STXBP5L: variants seen among roughly 807,000 people sequenced by gnomAD.
STXBP5L encodes syntaxin binding protein 5L, also known as syntaxin-binding protein 5-like.
A neutral mutation model predicts 144.5 loss-of-function variants in STXBP5L; 65 were observed. The ratio of observed to expected loss-of-function variants is 0.45; its 90% confidence interval spans 0.37 to 0.55. STXBP5L has a LOEUF of 0.55. Ranked by LOEUF, STXBP5L falls within the 20% of genes least tolerant of loss-of-function variation. The pLI, the probability that STXBP5L is intolerant of heterozygous loss-of-function variation, is 0.00. For synonymous variants in STXBP5L, 505 were observed against 469.6 expected (o/e 1.08, Z -0.97); for missense variants, 1,298 against 1,405.5 (o/e 0.92, Z 1.22).
At chr3:121,070,934 C>A (rs961687901) in intron 5 of STXBP5L, among the ~76,000 whole-genome samples, 1 of 152,182 alleles carries the variant, frequency 6.6e-6, no homozygotes, top group Non-Finnish European at 1.5e-5. Context: ...GGCAAGAACT[C>A]TGGGTCATAA....
intron 9 of STXBP5L, among the ~76,000 whole-genome samples, chr3:121,168,456 G>T (rs771133905): frequency 1.3e-5 from 2 of 152,148 alleles, no homozygotes; most frequent in Non-Finnish European, 2.9e-5. Flanking sequence ...AAGGTTAGAA[G>T]AATTGCTTAC....
chr3:121,200,124 G>T (rs906121984), intron 9 of STXBP5L, among the ~76,000 whole-genome samples: 1 of 151,942 alleles, frequency 6.6e-6, no homozygotes, highest in Non-Finnish European at 1.5e-5. Context: ...GGACTTTTTT[G>T]GTTGGTAGGC....
At position 120,928,066 on chromosome 3, in the gene STXBP5L, A is replaced by T. The variant is rs527480103; in HGVS notation, c.189+18299A>T. 1.6e-4 allele frequency among the ~76,000 whole-genome samples: 25 copies of T among 152,288 alleles called. 1 individual carries two copies. In the South Asian group the frequency reaches 2.3e-3, roughly 14 times the overall value. Reference sequence around the variant, plus strand: ...CAAAATAAGAAAGATCAGGGAGGGAAGTATGTGAGGTAAAATTTACACATA... The same window carrying T: ...CAAAATAAGAAAGATCAGGGAGGGATGTATGTGAGGTAAAATTTACACATA... On this transcript the variant is annotated intron_variant, in intron 2 of 26. Coordinates refer to ENST00000471454, the MANE Select transcript of STXBP5L (RefSeq NM_001308330.2).
intron 3 of STXBP5L, among the ~76,000 whole-genome samples, chr3:120,973,566 T>C (rs1196851521): frequency 6.6e-6 from 1 of 151,900 alleles, no homozygotes; most frequent in Non-Finnish European, 1.5e-5. Context: ...TATTATACTT[T>C]AGTTTTAGGG....
At chr3:120,982,508 G>A (rs955539166) in intron 3 of STXBP5L, among the ~76,000 whole-genome samples, 5 of 152,144 alleles carry the variant, frequency 3.3e-5, no homozygotes, top group Non-Finnish European at 7.4e-5. Flanking sequence ...CTGTCCCAGG[G>A]CTCATGACTC....
chr3:121,321,492 C>G (rs2043968906), intron 20 of STXBP5L, among the ~76,000 whole-genome samples: 1 of 152,090 alleles, frequency 6.6e-6, no homozygotes, highest in South Asian at 2.1e-4. Context: ...ATACAATAGC[C>G]ACACATACAC....
In STXBP5L at chr3:121,362,416, T is replaced by C. The variant is rs557366390; in HGVS notation, c.2177-16300T>C. 5.3e-5 allele frequency among the ~76,000 whole-genome samples: 8 copies of C among 152,302 alleles called. No homozygotes were observed. The East Asian group carries it at 1.2e-3, about 22-fold the overall frequency. On this transcript the variant is annotated intron_variant, in intron 20 of 26. Transcript: ENST00000471454. Reference sequence around the variant, plus strand: ...GTCCTGGGTAGGTCCAGAAGTGCTGTCTGGGAGCCAGGGCTGGCACTCAAA... The same window carrying C: ...GTCCTGGGTAGGTCCAGAAGTGCTGCCTGGGAGCCAGGGCTGGCACTCAAA...
At chr3:121,244,450 GGA>G (rs149406621) in intron 14 of STXBP5L, among the ~76,000 whole-genome samples, 12 of 150,294 alleles carry the variant, frequency 8.0e-5, no homozygotes, top group Non-Finnish European at 1.0e-4. Flanking sequence ...GAAGGGGCGG[GGA>G]GAGAGAGAGA....
intron 10 of STXBP5L, among the ~76,000 whole-genome samples, chr3:121,218,528 A>G (rs1043889548): frequency 2.3e-4 from 35 of 151,656 alleles, no homozygotes; most frequent in African/African-American, 7.8e-4. Flanking sequence ...TCCATACAAC[A>G]TGGAAGTTAC....
intron 3 of STXBP5L, among the ~76,000 whole-genome samples, chr3:121,007,948 G>A (rs1407935645): frequency 7.2e-5 from 11 of 151,872 alleles, no homozygotes; most frequent in Non-Finnish European, 2.9e-5. Context: ...TATAATGGGA[G>A]AGTTAGTGGA....
In STXBP5L at chr3:121,045,448, G is replaced by A. The variant is rs1452344978; in HGVS notation, c.383G>A (p.Ser128Asn). 3 of 1,612,560 alleles carry A rather than the reference G, an allele frequency of 1.9e-6. No individual in the cohort carries two copies. ...TTTTTGTTCTAGGGTGCCTTGGTCA[G>A]TGCAAGTTCAGATGATACACTTCAT... ...QFLINEGALV[S>N]ASSDDTLHLW... The change falls in exon 5 of 27, where the codon AGT becomes AAT. Residue 128 changes from serine to asparagine, a missense_variant. By Grantham distance (46) the Ser-to-Asn change is conservative (BLOSUM62 1). Coordinates refer to ENST00000471454, the MANE Select transcript of STXBP5L (RefSeq NM_001308330.2).
intron 5 of STXBP5L, among the ~76,000 whole-genome samples, chr3:121,073,631 G>T (rs924676165): frequency 1.2e-4 from 19 of 152,254 alleles, no homozygotes; most frequent in African/African-American, 3.9e-4. Context: ...CAGTCCTAAT[G>T]CTGGGGCCTG....
chr3:121,192,740 A>T (rs2047749287), intron 9 of STXBP5L, among the ~76,000 whole-genome samples: 1 of 152,220 alleles, frequency 6.6e-6, no homozygotes, highest in South Asian at 2.1e-4. Flanking sequence ...CCTGTTTAAT[A>T]AATGGTGCTG....
chr3:121,286,515 T>C (rs1487728135), intron 19 of STXBP5L, among the ~76,000 whole-genome samples: 1 of 152,160 alleles, frequency 6.6e-6, no homozygotes, highest in Non-Finnish European at 1.5e-5. Flanking sequence ...CTTTCATTTA[T>C]AACAGGTAAT....
At chr3:121,119,802 A>C (rs1346011965) in intron 6 of STXBP5L, among the ~76,000 whole-genome samples, 5 of 151,252 alleles carry the variant, frequency 3.3e-5, no homozygotes, top group Non-Finnish European at 7.4e-5. Flanking sequence ...TTTCCTCTTC[A>C]CTTTTGATGT....
At chr3:121,142,980 G>T (rs1461115062) in intron 7 of STXBP5L, among the ~76,000 whole-genome samples, 1 of 151,586 alleles carries the variant, frequency 6.6e-6, no homozygotes, top group Non-Finnish European at 1.5e-5. Context: ...GCTACACTAA[G>T]TAAAAAAGAT....
chr3:121,265,989 G>C (rs189224749), intron 18 of STXBP5L, among the ~76,000 whole-genome samples: 162 of 152,170 alleles, frequency 1.1e-3, no homozygotes, highest in Non-Finnish European at 1.6e-3. Context: ...GTAATTAATA[G>C]CCTACCAACC....
intron 7 of STXBP5L, among the ~76,000 whole-genome samples, chr3:121,150,015 T>C (rs1382583548): frequency 6.6e-6 from 1 of 152,136 alleles, no homozygotes; most frequent in East Asian, 1.9e-4. Context: ...AGTTCTGTTT[T>C]ATATATTTCA....
chr3:121,154,704 C>G (rs1409296386), intron 8 of STXBP5L, among the ~76,000 whole-genome samples: 1 of 151,720 alleles, frequency 6.6e-6, no homozygotes. Context: ...CTTTACCTCC[C>G]TCTTGAACTC....
Sources: gnomAD v4.1 joint callset for allele counts (sites outside exome capture counted in the v4.1 genomes callset) on GRCh38, gnomAD v4.1.1 for gene constraint, MANE v1.5 for transcripts, NCBI Gene and HGNC (gene_info 2026-07-23, HGNC 2026-07-21) for gene names.